Variants in ADCY2 observed in about 807,000 individuals in gnomAD.
ADCY2 encodes the protein adenylate cyclase type 2.
Under a neutral mutation model 125.2 loss-of-function variants are expected in ADCY2, and 31 were observed. The observed-to-expected ratio is 0.25, with a 90% CI of 0.19 to 0.33. ADCY2 has a LOEUF of 0.33. Ranked by LOEUF, ADCY2 falls within the 10% of genes least tolerant of loss-of-function variation. The pLI, the probability that ADCY2 is intolerant of heterozygous loss-of-function variation, is 1.00. For missense variants in ADCY2, 904 were observed against 1,418.2 expected (o/e 0.64, Z 5.82); for synonymous variants, 512 against 548.4 (o/e 0.93, Z 0.93).
chr5:7,483,381 C>G (rs1394488623), intron 2 of ADCY2, among the ~76,000 whole-genome samples: 1 of 151,682 alleles, frequency 6.6e-6, no homozygotes, highest in Non-Finnish European at 1.5e-5. Context: ...AGAGAACATG[C>G]TAGCCTTTCA....
chr5:7,663,373 C>T (rs945427516), intron 4 of ADCY2, among the ~76,000 whole-genome samples: 10 of 152,258 alleles, frequency 6.6e-5, no homozygotes, highest in African/African-American at 2.4e-4. Flanking sequence ...GAGAGTCACC[C>T]CATGTCTCTG....
chr5:7,501,642 C>A (rs1743582901), intron 2 of ADCY2, among the ~76,000 whole-genome samples: 1 of 71,960 alleles, frequency 1.4e-5, no homozygotes, highest in Non-Finnish European at 3.2e-5. Flanking sequence ...ATGAGATTCC[C>A]CCCTCCCCCC....
chr5:7,544,711 T>C (rs1735097469), intron 3 of ADCY2, among the ~76,000 whole-genome samples: 1 of 152,054 alleles, frequency 6.6e-6, no homozygotes, highest in South Asian at 2.1e-4. Context: ...TGTGGGGAGA[T>C]TGTTCTGCTC....
At chr5:7,664,554 T>C (rs1739649723) in intron 4 of ADCY2, among the ~76,000 whole-genome samples, 1 of 152,218 alleles carries the variant, frequency 6.6e-6, no homozygotes, top group Admixed American at 6.5e-5. Context: ...TACATTCTCA[T>C]CACATGGGTT....
At chr5:7,671,196 A>G (rs150487702) in intron 4 of ADCY2, among the ~76,000 whole-genome samples, 2 of 152,294 alleles carry the variant, frequency 1.3e-5, no homozygotes, top group African/African-American at 4.8e-5. Context: ...ATTAGAAAAC[A>G]TTTTGATTGA....
In ADCY2 at chr5:7,414,776, G is replaced by T. The variant is rs761828558; in HGVS notation, c.408+6G>T. ...CCGTCTCTCCCTGGGACCAGGTAAGGTGTGAAAATATTTTTTGTACTTCTT... is the reference window on the plus strand; with the variant it reads ...CCGTCTCTCCCTGGGACCAGGTAAGTTGTGAAAATATTTTTTGTACTTCTT... On this transcript the variant is annotated splice_donor_region_variant and intron_variant, in intron 2 of 24. Transcript: ENST00000338316. The T allele has an allele frequency of 6.3e-7, 1 of 1,596,028 alleles. No homozygotes were observed.
At chr5:7,534,985 C>A (rs1734769363) in intron 3 of ADCY2, among the ~76,000 whole-genome samples, 1 of 152,184 alleles carries the variant, frequency 6.6e-6, no homozygotes, top group Non-Finnish European at 1.5e-5. Flanking sequence ...TGCACATTCC[C>A]TGGGCCTTGA....
Position 7,413,198 on chromosome 5 carries a change from G to A in ADCY2, c.211-1375G>A, listed in dbSNP as rs114980514. 5.5e-3 allele frequency among the ~76,000 whole-genome samples: 834 copies of A among 152,316 alleles called. 4 individuals carry two copies. Among genetic ancestry groups the A allele is most frequent in the South Asian group, 9.5e-3 (46 of 4,830 alleles). On this transcript the variant is annotated intron_variant, in intron 1 of 24. Coordinates refer to ENST00000338316, the MANE Select transcript of ADCY2 (RefSeq NM_020546.3). ...AGTGTGAAGTTAGAGCTGCCAGTGG[G>A]TGGAATGAACCTTGTGCCCACCTGT...
At chr5:7,514,659 C>T (rs1319443838) in intron 2 of ADCY2, among the ~76,000 whole-genome samples, 3 of 152,186 alleles carry the variant, frequency 2.0e-5, no homozygotes, top group Non-Finnish European at 1.5e-5. Context: ...TGAAGTCATA[C>T]TGGATTTAGG....
chr5:7,822,529 T>G (rs1745333656), intron 24 of ADCY2, among the ~76,000 whole-genome samples: 1 of 152,248 alleles, frequency 6.6e-6, no homozygotes, highest in East Asian at 1.9e-4. Flanking sequence ...TTATGGTCCT[T>G]CCTTGCCTTC....
chr5:7,555,588 A>G (rs565261360), intron 3 of ADCY2, among the ~76,000 whole-genome samples: 1 of 152,326 alleles, frequency 6.6e-6, no homozygotes, highest in African/African-American at 2.4e-5. Flanking sequence ...CACTTTAAAT[A>G]CACAGGGAGC....
intron 11 of ADCY2, among the ~76,000 whole-genome samples, chr5:7,713,472 C>T (rs1346484628): frequency 2.7e-5 from 4 of 147,692 alleles, no homozygotes; most frequent in Admixed American, 6.8e-5. Context: ...CTAGCCTGGT[C>T]GACAGAGTGA....
chr5:7,637,969 G>A (rs1304845863), intron 4 of ADCY2, among the ~76,000 whole-genome samples: 2 of 152,180 alleles, frequency 1.3e-5, no homozygotes, highest in Non-Finnish European at 2.9e-5. Flanking sequence ...TCAATCAGCA[G>A]CCAGTAGAAT....
At chr5:7,563,229 C>G (rs777395854) in intron 3 of ADCY2, among the ~76,000 whole-genome samples, 1 of 152,214 alleles carries the variant, frequency 6.6e-6, no homozygotes, top group South Asian at 2.1e-4. Flanking sequence ...TCTGTATCCT[C>G]TGTCTTTGTA....
At chr5:7,619,243 G>C (rs1737871999) in intron 3 of ADCY2, among the ~76,000 whole-genome samples, 1 of 152,204 alleles carries the variant, frequency 6.6e-6, no homozygotes, top group Non-Finnish European at 1.5e-5. Flanking sequence ...TGTTTCGGCT[G>C]TCTGGACAGA....
chr5:7,736,000 T>G (rs1742239014), intron 14 of ADCY2, among the ~76,000 whole-genome samples: 1 of 152,108 alleles, frequency 6.6e-6, no homozygotes, highest in Admixed American at 6.5e-5. Context: ...GAGTTTGAGA[T>G]CAGCCTGGAC....
At chr5:7,509,908 TAAGA>T (rs1743993566) in intron 2 of ADCY2, among the ~76,000 whole-genome samples, 1 of 152,216 alleles carries the variant, frequency 6.6e-6, no homozygotes, top group South Asian at 2.1e-4. Flanking sequence ...CTTTTCACTG[TAAGA>T]AAGATGGCAT....
intron 22 of ADCY2, among the ~76,000 whole-genome samples, chr5:7,815,696 T>C (rs326153): frequency 0.12 from 18,040 of 152,240 alleles, 3,129 homozygotes; most frequent in African/African-American, 0.38. Context: ...AAATGTTCAC[T>C]TCTTCCCACT....
rs528709782 is a variant in ADCY2 at position 7,704,035 on chromosome 5, C to T, written c.1110-2709C>T. 7.5e-5 allele frequency among the ~76,000 whole-genome samples: 11 copies of T among 145,766 alleles called. No homozygotes were observed. In the South Asian group the frequency reaches 1.9e-3, roughly 25 times the overall value. On this transcript the variant is annotated intron_variant, in intron 7 of 24. Transcript: ENST00000338316. Reference sequence around the variant, plus strand: ...AAAAGTTTATTTTGTTACACCCCTACCCCCATGAAAGGGCAGCAACAGAGA... The same window carrying T: ...AAAAGTTTATTTTGTTACACCCCTATCCCCATGAAAGGGCAGCAACAGAGA...
Sources: gnomAD v4.1 joint callset for allele counts (sites outside exome capture counted in the v4.1 genomes callset) on GRCh38, gnomAD v4.1.1 for gene constraint, MANE v1.5 for transcripts, NCBI Gene and HGNC (gene_info 2026-07-23, HGNC 2026-07-21) for gene names.